Variants in MAF observed in about 807,000 individuals in gnomAD.
MAF encodes transcription factor Maf.
Under a neutral mutation model 22.0 loss-of-function variants are expected in MAF, and 10 were observed. That is an observed-to-expected ratio of 0.45 (90% CI 0.28 to 0.77). The LOEUF (loss-of-function observed/expected upper bound fraction) is 0.77. Among genes scored for constraint, MAF ranks in the 30% least tolerant of loss-of-function variants. MAF has a pLI of 0.12. For synonymous variants in MAF, 337 were observed against 255.8 expected (o/e 1.32, Z -3.03); for missense variants, 544 against 548.4 (o/e 0.99, Z 0.08).
the MAF span, among the ~76,000 whole-genome samples, chr16:79,228,134 C>T: frequency 6.6e-6 from 1 of 152,060 alleles, no homozygotes; most frequent in Non-Finnish European, 1.5e-5. Flanking sequence ...AACTCCTAGC[C>T]TCAAGTGATC....
At chr16:79,526,197 G>A in the MAF span, among the ~76,000 whole-genome samples, 1 of 152,164 alleles carries the variant, frequency 6.6e-6, no homozygotes, top group African/African-American at 2.4e-5. Flanking sequence ...CCAGGAGCCG[G>A]TTTTGTGGAA....
chr16:79,553,999 G>A, the MAF span, among the ~76,000 whole-genome samples: 1 of 152,172 alleles, frequency 6.6e-6, no homozygotes, highest in African/African-American at 2.4e-5. Flanking sequence ...TGAGGCAGGA[G>A]AATTGCTTGA....
At chr16:79,406,983 G>C in the MAF span, among the ~76,000 whole-genome samples, 1 of 152,128 alleles carries the variant, frequency 6.6e-6, no homozygotes, top group Non-Finnish European at 1.5e-5. Context: ...GGAGCTGCAG[G>C]GACAGTAGGC....
chr16:79,379,516 C>G, the MAF span, among the ~76,000 whole-genome samples: 1 of 152,220 alleles, frequency 6.6e-6, no homozygotes, highest in Non-Finnish European at 1.5e-5. Flanking sequence ...CACACACACA[C>G]ACACACACAC....
chr16:79,599,289 C>T lies in MAF; in HGVS notation c.614G>A (p.Ser205Asn). Reference sequence around the variant, plus strand: ...AGCGCCACCGGCCGAGGCGGCCGCGCTGCCCGCGGCGCCGGGCGCGCCGGC... The same window carrying T: ...AGCGCCACCGGCCGAGGCGGCCGCGTTGCCCGCGGCGCCGGGCGCGCCGGC... ...PTAGAPGAAG[S>N]AAASAGGAGG... The change falls in exon 1 of 2, where the codon AGC becomes AAC. Residue 205 changes from serine to asparagine, a missense_variant. Physicochemically the swap from Ser to Asn is conservative, Grantham distance 46 (BLOSUM62 1). Coordinates refer to ENST00000326043, the MANE Select transcript of MAF (RefSeq NM_005360.5). The T allele has an allele frequency of 2.0e-6, 2 of 979,408 alleles. No individual in the cohort carries two copies. Among genetic ancestry groups the T allele is most frequent in the Non-Finnish European group, 2.4e-6 (2 of 827,764 alleles). 60.7% of individuals were successfully genotyped at this position (979,408 alleles called of 1,614,324 possible).
the MAF span, among the ~76,000 whole-genome samples, chr16:79,512,061 T>C: frequency 6.6e-6 from 1 of 152,176 alleles, no homozygotes; most frequent in African/African-American, 2.4e-5. Context: ...TATGGATTCT[T>C]TTTGATTATT....
chr16:79,490,763 G>A, the MAF span, among the ~76,000 whole-genome samples: 2,551 of 152,240 alleles, frequency 0.017, 29 homozygotes, highest in Non-Finnish European at 0.025. Flanking sequence ...GTTTTGTACT[G>A]AGAACAAAAC....
the MAF span, among the ~76,000 whole-genome samples, chr16:79,396,289 A>C: frequency 2.0e-5 from 3 of 152,184 alleles, no homozygotes; most frequent in Non-Finnish European, 4.4e-5. Context: ...CTTGTGAGTC[A>C]CTGCAGCTTT....
the MAF span, among the ~76,000 whole-genome samples, chr16:79,549,310 G>C: frequency 6.6e-6 from 1 of 152,164 alleles, no homozygotes; most frequent in African/African-American, 2.4e-5. Context: ...TATGAAGAAT[G>C]CCTTGTTTCC....
chr16:79,561,490 C>T, the MAF span, among the ~76,000 whole-genome samples: 2 of 148,768 alleles, frequency 1.3e-5, no homozygotes, highest in Non-Finnish European at 3.0e-5. Flanking sequence ...AAACAGTCCC[C>T]GGTGTGTGAT....
chr16:79,511,676 G>T, the MAF span, among the ~76,000 whole-genome samples: 1 of 152,248 alleles, frequency 6.6e-6, no homozygotes, highest in Non-Finnish European at 1.5e-5. Flanking sequence ...TTTATTGAGT[G>T]CTCACCAATC....
the MAF span, among the ~76,000 whole-genome samples, chr16:79,274,682 T>TCA: frequency 1.3e-5 from 2 of 152,104 alleles, no homozygotes; most frequent in Non-Finnish European, 2.9e-5. Context: ...GAGCTTAAGC[T>TCA]GCAAAGAATG....
At chr16:79,543,747 T>C in the MAF span, among the ~76,000 whole-genome samples, 1 of 148,384 alleles carries the variant, frequency 6.7e-6, no homozygotes, top group Non-Finnish European at 1.5e-5. Context: ...AGTGCAGTGG[T>C]GCAATCTCGG....
the MAF span, among the ~76,000 whole-genome samples, chr16:79,506,338 G>A: frequency 3.9e-5 from 6 of 152,272 alleles, no homozygotes; most frequent in South Asian, 1.2e-3. Flanking sequence ...CTTTGCCCAT[G>A]ATTTTTTTAT....
chr16:79,434,027 G>A, the MAF span, among the ~76,000 whole-genome samples: 2 of 152,274 alleles, frequency 1.3e-5, no homozygotes, highest in African/African-American at 4.8e-5. Context: ...TCAGGGCAAG[G>A]TAGTGTGGTA....
chr16:79,599,145 C>G lies in MAF; in HGVS notation c.758G>C (p.Gly253Ala). ...GAAGCGGTCGTCGAAGTGCAGGCCG[C>G]CGGCGGCGTGGTGCGGGTGCAGGGC... Reference protein sequence around the residue: ...GGALHPHHAAGGLHFDDRFSD... With the variant: ...GGALHPHHAAAGLHFDDRFSD... Residue 253 changes from glycine (G) to alanine (A), a missense_variant, in exon 1 of 2, where the codon GGC (glycine) becomes GCC (alanine). Coordinates refer to ENST00000326043, the MANE Select transcript of MAF (RefSeq NM_005360.5). 1 of 1,561,970 alleles carries G rather than the reference C, an allele frequency of 6.4e-7. No homozygotes were observed. The highest frequency in any genetic ancestry group is 8.6e-7 in the Non-Finnish European group (1 of 1,160,434).
chr16:79,287,483 T>C, the MAF span, among the ~76,000 whole-genome samples: 2 of 152,126 alleles, frequency 1.3e-5, no homozygotes. Flanking sequence ...ATTGTGAGGG[T>C]TGTGGCAGGA....
the MAF span, among the ~76,000 whole-genome samples, chr16:79,383,674 A>G: frequency 6.6e-6 from 1 of 152,296 alleles, no homozygotes; most frequent in South Asian, 2.1e-4. Flanking sequence ...TTTTATTTCA[A>G]GAGAAGTTGC....
At chr16:79,478,494 G>A in the MAF span, among the ~76,000 whole-genome samples, 2 of 152,142 alleles carry the variant, frequency 1.3e-5, no homozygotes, top group Non-Finnish European at 2.9e-5. Context: ...ACAATCACTA[G>A]CAGTGGGATA....
Sources: gnomAD v4.1 joint callset for allele counts (sites outside exome capture counted in the v4.1 genomes callset) on GRCh38, gnomAD v4.1.1 for gene constraint, MANE v1.5 for transcripts, NCBI Gene and HGNC (gene_info 2026-07-23, HGNC 2026-07-21) for gene names.